The following DNASE2B variants were observed in gnomAD, a reference collection of about 807,000 sequenced individuals.
DNASE2B encodes deoxyribonuclease-2-beta.
In DNASE2B, 43 loss-of-function variants were observed where a neutral mutation model predicts 46.0. The ratio of observed to expected loss-of-function variants is 0.94; its 90% CI spans 0.73 to 1.21. DNASE2B has a LOEUF of 1.21. Ranked by LOEUF, DNASE2B falls within the 50% of genes most tolerant of loss-of-function variation. DNASE2B has a pLI of 0.00. For missense variants in DNASE2B, 395 were observed against 414.4 expected, an observed-to-expected ratio of 0.95 and a Z score of 0.41; for synonymous variants, 156 against 152.5, an observed-to-expected ratio of 1.02 and a Z score of -0.17.
At chr1:84,412,938 C>A (rs577366556) in intron 5 of DNASE2B, among the ~76,000 whole-genome samples, 17 of 151,944 alleles carry the variant, frequency 1.1e-4, no homozygotes, top group African/African-American at 4.1e-4. Flanking sequence ...TAGGGAGAAA[C>A]CACTTCTATA....
intron 3 of DNASE2B, 52 bp from the exon 4 acceptor site, chr1:84,410,786 T>C: frequency 6.4e-7 from 1 of 1,565,108 alleles, no homozygotes; most frequent in Non-Finnish European, 8.7e-7. Flanking sequence ...AACCCTATTA[T>C]AAAAGAAGCT....
intron 2 of DNASE2B, among the ~76,000 whole-genome samples, chr1:84,407,740 T>C (rs575564501): frequency 2.8e-4 from 42 of 152,284 alleles, no homozygotes; most frequent in Admixed American, 5.9e-4. Context: ...TAGCTTTATT[T>C]TGGCTCTAAG....
chr1:84,402,005 A>G lies in DNASE2B; in HGVS notation c.230A>G (p.Glu77Gly). The G allele has an allele frequency of 6.2e-7, 1 of 1,610,850 alleles. No homozygotes were observed. The highest frequency in any genetic ancestry group is 8.5e-7 in the Non-Finnish European group (1 of 1,178,804). ...ACAACTAGAAGCTGGAGGAAGAGTG[A>G]GCAACTAATGAATGACACCAAGAGT... The part of the protein sequence containing the change: ...DSTTRSWRKS[E>G]QLMNDTKSVL... The change falls in exon 2 of 6, where the codon GAG becomes GGG. Residue 77 changes from glutamate (E) to glycine (G), a missense_variant. Glu to Gly is a moderately conservative substitution (Grantham distance 98). Transcript: ENST00000370665.
chr1:84,403,953 ATT>A lies in DNASE2B; in HGVS notation c.303+1894_303+1895del, dbSNP rs562382212. On this transcript the variant is annotated intron_variant, in intron 2 of 5. Transcript: ENST00000370665. ...AGGCATGCACCACCATGCCTGGCTA[ATT>A]TTTTTTTTTTTTTTTTTTGGCGGAG... is the stretch of plus-strand genomic sequence containing the variant. 1.9e-3 allele frequency among the ~76,000 whole-genome samples: 205 copies of A among 108,102 alleles called. 2 individuals are homozygous for A. Among genetic ancestry groups the A allele is most frequent in the African/African-American group, 7.0e-3 (189 of 27,080 alleles). The allele number at this position is 108,102 out of a possible 152,430, so 70.9% of individuals were successfully genotyped here. A position where few individuals can be genotyped will look rare whatever the true frequency, so the allele number is the denominator to read the frequency against.
chr1:84,407,342 T>G (rs752200115), intron 2 of DNASE2B, among the ~76,000 whole-genome samples: 1 of 152,134 alleles, frequency 6.6e-6, no homozygotes, highest in Non-Finnish European at 1.5e-5. Flanking sequence ...GTTCTCCAAA[T>G]GATGATATGA....
intron 1 of DNASE2B, among the ~76,000 whole-genome samples, chr1:84,401,270 G>A (rs995418773): frequency 1.2e-4 from 19 of 152,264 alleles, no homozygotes; most frequent in African/African-American, 3.6e-4. Context: ...ATGATCGGCT[G>A]AAAATGTGAA....
chr1:84,407,361 C>T (rs557592583), intron 2 of DNASE2B, among the ~76,000 whole-genome samples: 31 of 152,228 alleles, frequency 2.0e-4, no homozygotes, highest in African/African-American at 7.5e-4. Context: ...GAATGCCATT[C>T]AGTAGCTATG....
At position 84,406,057 on chromosome 1, in the gene DNASE2B, T is replaced by C. The variant is rs371057805; in HGVS notation, c.304-2380T>C. 2.0e-4 allele frequency among the ~76,000 whole-genome samples: 30 copies of C among 152,038 alleles called. 1 individual carries two copies. The East Asian group carries it at 2.5e-3, about 13-fold the overall frequency. ...TTTTTAAAAATATTTCTAGGCTATGTGGTTCATCTGTGAGTTTTTTTTTTC... is the reference window on the plus strand; with the variant it reads ...TTTTTAAAAATATTTCTAGGCTATGCGGTTCATCTGTGAGTTTTTTTTTTC... On this transcript the variant is annotated intron_variant, in intron 2 of 5. Transcript: ENST00000370665.
intron 5 of DNASE2B, 69 bp downstream of exon 5, chr1:84,412,615 A>G: frequency 7.5e-7 from 1 of 1,327,334 alleles, no homozygotes; most frequent in Non-Finnish European, 1.0e-6. Context: ...GATAGCTTAG[A>G]GAAATATTTT....
chr1:84,403,631 A>G (rs1332630216), intron 2 of DNASE2B, among the ~76,000 whole-genome samples: 1 of 151,788 alleles, frequency 6.6e-6, no homozygotes, highest in African/African-American at 2.4e-5. Context: ...ACTCAGTGTA[A>G]CTTTCACATG....
chr1:84,410,724 C>A, intron 3 of DNASE2B, 114 bp from the exon 4 acceptor site: 2 of 951,792 alleles, frequency 2.1e-6, no homozygotes, highest in Non-Finnish European at 3.1e-6. Flanking sequence ...TGATTATTAG[C>A]CTAATAAAAC....
At chr1:84,404,412 T>G (rs1216875844) in intron 2 of DNASE2B, among the ~76,000 whole-genome samples, 2 of 152,230 alleles carry the variant, frequency 1.3e-5, no homozygotes, top group African/African-American at 4.8e-5. Flanking sequence ...TGTATTGTTT[T>G]GGGCTTGATG....
intron 2 of DNASE2B, among the ~76,000 whole-genome samples, chr1:84,407,309 C>G (rs541114748): frequency 6.6e-6 from 1 of 152,248 alleles, no homozygotes; most frequent in African/African-American, 2.4e-5. Context: ...AATGCAGGTT[C>G]ACAGAGTAAC....
At chr1:84,401,051 T>A (rs1239394823) in intron 1 of DNASE2B, among the ~76,000 whole-genome samples, 2 of 152,170 alleles carry the variant, frequency 1.3e-5, no homozygotes, top group African/African-American at 4.8e-5. Context: ...TGGTGCACTG[T>A]GAGTGTTTAG....
intron 4 of DNASE2B, among the ~76,000 whole-genome samples, chr1:84,411,730 A>G (rs1169936433): frequency 1.3e-5 from 2 of 152,090 alleles, no homozygotes; most frequent in Admixed American, 1.3e-4. Flanking sequence ...GCCTATAGAA[A>G]CAGGAGATTT....
intron 5 of DNASE2B, among the ~76,000 whole-genome samples, chr1:84,413,517 C>T (rs1287427769): frequency 2.0e-5 from 3 of 152,230 alleles, no homozygotes; most frequent in Admixed American, 1.3e-4. Context: ...CTCACCTTCA[C>T]TGATTTTGGG....
At chr1:84,406,749 G>T (rs1168581292) in intron 2 of DNASE2B, among the ~76,000 whole-genome samples, 1 of 152,186 alleles carries the variant, frequency 6.6e-6, no homozygotes, top group East Asian at 1.9e-4. Context: ...AGAAGTGACT[G>T]TGAGAATATT....
intron 2 of DNASE2B, 150 bp from the exon 3 acceptor site, chr1:84,408,287 T>C (rs1306471114): frequency 8.1e-7 from 1 of 1,233,462 alleles, no homozygotes; most frequent in Non-Finnish European, 1.0e-6. Flanking sequence ...AGGCTTCATA[T>C]TGATGGGGAA....
At position 84,401,901 on chromosome 1, in the gene DNASE2B, G is replaced by A. The variant is rs773513734; in HGVS notation, c.126G>A (p.Trp42Ter). ...CRNEEGKAVD[W>*]FTFYKLPKRQ... ...AATTCATAATCATTTTGTCTGTTAG[G>A]TTTACTTTTTATAAGTTACCTAAAA... The change falls in exon 2 of 6, where the codon TGG (tryptophan) becomes TGA (stop). Residue 42 changes from tryptophan to a stop codon, truncating the protein, a stop_gained and splice_region_variant. Coordinates refer to ENST00000370665, the MANE Select transcript of DNASE2B (RefSeq NM_021233.3). LOFTEE classifies it high-confidence loss of function. 1.1e-5 allele frequency: 17 copies of A among 1,498,938 alleles called. No individual in the cohort carries two copies. The highest frequency in any genetic ancestry group is 1.4e-5 in the African/African-American group (1 of 69,720). The allele number at this position is 1,498,938 out of a possible 1,614,324, so 92.9% of individuals were successfully genotyped here.
Sources: allele counts gnomAD v4.1 joint callset (sites outside exome capture counted in the v4.1 genomes callset), GRCh38; gene constraint gnomAD v4.1.1; transcripts MANE v1.5; gene names NCBI Gene and HGNC (gene_info 2026-07-23, HGNC 2026-07-21).